Variants in CRYL1 observed in about 807,000 individuals in gnomAD.
The protein encoded by CRYL1 is crystallin lambda 1, also known as lambda-crystallin homolog.
Under a neutral mutation model 36.6 loss-of-function variants are expected in CRYL1, and 29 were observed. The observed-to-expected ratio is 0.79, with a 90% confidence interval of 0.59 to 1.08. The LOEUF is 1.08. CRYL1 is among the 50% of genes least tolerant of loss of function. The probability of loss-of-function intolerance (pLI) is 0.00; values close to 1 mark genes in which losing one functional copy is unlikely to be tolerated. For missense variants in CRYL1, 411 were observed against 407.9 expected (o/e 1.01, Z -0.06); for synonymous variants, 152 against 151.5 (o/e 1.00, Z -0.02).
At chr13:20,498,396 A>G (rs2033650576) in intron 2 of CRYL1, among the ~76,000 whole-genome samples, 2 of 151,696 alleles carry the variant, frequency 1.3e-5, no homozygotes, top group African/African-American at 4.8e-5. Flanking sequence ...CATACATACT[A>G]TGCACACCAA....
rs1361984019 is a variant in CRYL1, at chr13:20,435,858, C to T, written c.439-3562G>A. Among the ~76,000 whole-genome samples the T allele has an allele frequency of 2.6e-5, 4 of 152,190 alleles. No individual in the cohort carries two copies. The highest frequency in any genetic ancestry group is 9.6e-5 in the African/African-American group (4 of 41,462). ...GGCGAGGCCCACAGGGCCGACAGCG[C>T]CCTCGCGGGAGGCAGCCGGGCTGGG... is the stretch of plus-strand genomic sequence containing the variant. On this transcript the variant is annotated intron_variant, in intron 4 of 7. Coordinates refer to ENST00000298248, the MANE Select transcript of CRYL1 (RefSeq NM_015974.3). This position sits in a 1 kb window ranked among gnomAD's most constrained non-coding sequence, Gnocchi z 4.0.
At chr13:20,419,026 G>A (rs1404481530) in intron 5 of CRYL1, 1 of 151,956 alleles carries the variant, frequency 6.6e-6, no homozygotes, top group East Asian at 1.9e-4. Flanking sequence ...GGCTTGTGTG[G>A]ATCACCCCAG....
intron 1 of CRYL1, among the ~76,000 whole-genome samples, chr13:20,522,911 C>CTTTT (rs386378385): frequency 0.48 from 39,967 of 82,636 alleles, 13,348 homozygotes; most frequent in Non-Finnish European, 0.63. Flanking sequence ...CCCATTTCTA[C>CTTTT]TTTTTTTTTT....
At chr13:20,493,051 A>G (rs1461742903) in intron 2 of CRYL1, among the ~76,000 whole-genome samples, 1 of 152,132 alleles carries the variant, frequency 6.6e-6, no homozygotes, top group Non-Finnish European at 1.5e-5. Context: ...AGAGAACTCT[A>G]GCTTCTGTCA....
intron 2 of CRYL1, among the ~76,000 whole-genome samples, chr13:20,503,036 G>T (rs1169611309): frequency 3.9e-5 from 6 of 152,178 alleles, no homozygotes; most frequent in Non-Finnish European, 8.8e-5. Flanking sequence ...AGAATATGCA[G>T]CAAGATCACT....
At chr13:20,424,846 G>A (rs143080806) in intron 5 of CRYL1, among the ~76,000 whole-genome samples, 12 of 152,232 alleles carry the variant, frequency 7.9e-5, no homozygotes, top group African/African-American at 2.6e-4. Context: ...CCCCATCAGC[G>A]ATTCACTCAG....
At chr13:20,522,069 G>A (rs534419943) in intron 1 of CRYL1, among the ~76,000 whole-genome samples, 1 of 152,246 alleles carries the variant, frequency 6.6e-6, no homozygotes, top group Admixed American at 6.5e-5. Context: ...AAATGCACAG[G>A]CCAGGTGTAG....
intron 3 of CRYL1, among the ~76,000 whole-genome samples, chr13:20,472,393 C>T (rs756369653): frequency 1.1e-4 from 16 of 152,156 alleles, no homozygotes; most frequent in Non-Finnish European, 2.1e-4. Context: ...GCTGAATCCA[C>T]GATGCAGAAT....
At chr13:20,474,023 G>C (rs1330043258) in intron 3 of CRYL1, among the ~76,000 whole-genome samples, 1 of 152,094 alleles carries the variant, frequency 6.6e-6, no homozygotes, top group Non-Finnish European at 1.5e-5. Context: ...TCTGAAGAAG[G>C]GGATTCCCTA....
chr13:20,479,449 G>A (rs755391359), intron 3 of CRYL1, among the ~76,000 whole-genome samples: 9 of 152,060 alleles, frequency 5.9e-5, no homozygotes, highest in Non-Finnish European at 1.2e-4. Flanking sequence ...TGAGATAGAG[G>A]GATGATCAAC....
At chr13:20,448,639 A>T (rs2032503610) in intron 3 of CRYL1, among the ~76,000 whole-genome samples, 1 of 152,234 alleles carries the variant, frequency 6.6e-6, no homozygotes, top group Non-Finnish European at 1.5e-5. Context: ...AATGCAAGAT[A>T]GAAGACAATG....
chr13:20,457,257 G>T (rs1379388524), intron 3 of CRYL1, among the ~76,000 whole-genome samples: 1 of 152,120 alleles, frequency 6.6e-6, no homozygotes, highest in Non-Finnish European at 1.5e-5. Context: ...GTTCTGTTTA[G>T]AACACTAAAG....
intron 3 of CRYL1, among the ~76,000 whole-genome samples, chr13:20,469,850 G>A (rs147254103): frequency 3.3e-5 from 5 of 152,268 alleles, no homozygotes; most frequent in East Asian, 3.9e-4. Flanking sequence ...CTGGGCTCCC[G>A]ATGGACTACG....
chr13:20,448,002 TATG>T (rs2032493500), intron 3 of CRYL1, among the ~76,000 whole-genome samples: 1 of 152,224 alleles, frequency 6.6e-6, no homozygotes, highest in Non-Finnish European at 1.5e-5. Context: ...AAAAGATCTA[TATG>T]ACTCTGATAT....
At chr13:20,440,698 C>T (rs923652841) in intron 3 of CRYL1, among the ~76,000 whole-genome samples, 2 of 152,202 alleles carry the variant, frequency 1.3e-5, no homozygotes, top group African/African-American at 4.8e-5. Flanking sequence ...GTGAAATGAA[C>T]AAACACGTTA....
At chr13:20,445,092 T>C (rs1334098859) in intron 3 of CRYL1, among the ~76,000 whole-genome samples, 1 of 152,140 alleles carries the variant, frequency 6.6e-6, no homozygotes, top group Non-Finnish European at 1.5e-5. Context: ...GAGTGAGTTT[T>C]AAAGAAGAAA....
intron 5 of CRYL1, among the ~76,000 whole-genome samples, chr13:20,423,394 TG>T (rs904246008): frequency 3.9e-5 from 6 of 152,314 alleles, no homozygotes; most frequent in African/African-American, 1.4e-4. Context: ...ATATTTGCTG[TG>T]GGTGTGTCAC....
chr13:20,447,135 C>T (rs1231129983), intron 3 of CRYL1, among the ~76,000 whole-genome samples: 1 of 152,114 alleles, frequency 6.6e-6, no homozygotes, highest in African/African-American at 2.4e-5. Flanking sequence ...ACTGATTTCC[C>T]AATCCACTTA....
At chr13:20,520,902 G>A (rs1025626239) in intron 1 of CRYL1, among the ~76,000 whole-genome samples, 7 of 152,010 alleles carry the variant, frequency 4.6e-5, no homozygotes, top group African/African-American at 1.7e-4. Context: ...TCAGGAGATC[G>A]AGACCATCCT....
Sources: gnomAD v4.1 joint callset for allele counts (sites outside exome capture counted in the v4.1 genomes callset) on GRCh38, gnomAD v4.1.1 for gene constraint, Gnocchi (gnomAD v3.1) non-coding constraint, MANE v1.5 for transcripts, NCBI Gene and HGNC (gene_info 2026-07-23, HGNC 2026-07-21) for gene names.